Variants in ECT2L observed in about 807,000 individuals in gnomAD.
The protein encoded by ECT2L is epithelial cell-transforming sequence 2 oncogene-like.
ECT2L carries 126 observed loss-of-function variants against 122.8 expected under a neutral mutation model. That is an observed-to-expected ratio of 1.03 (90% confidence interval 0.89 to 1.19). ECT2L has a LOEUF of 1.19. Ranked by LOEUF, ECT2L falls within the 50% of genes most tolerant of loss-of-function variation. The pLI is 0.00. For missense variants in ECT2L, 1,012 were observed against 1,064.1 expected (o/e 0.95, Z 0.68); for synonymous variants, 385 against 381.8 (o/e 1.01, Z -0.10).
chr6:138,867,999 C>CAAAAAAAAAAAA (rs754296302), intron 12 of ECT2L, 104 bp from the exon 13 acceptor site: 35 of 335,996 alleles, frequency 1.0e-4, no homozygotes, highest in Admixed American at 1.6e-4. Flanking sequence ...GATTCTGTCT[C>CAAAAAAAAAAAA]AAAAAAAAAA....
intron 7 of ECT2L, 110 bp downstream of exon 7, chr6:138,844,690 A>G (rs905055276): frequency 9.4e-6 from 9 of 955,238 alleles, no homozygotes; most frequent in Non-Finnish European, 1.4e-5. Context: ...TGTGGCTCAT[A>G]TCCTATGAAA....
intron 10 of ECT2L, among the ~76,000 whole-genome samples, chr6:138,860,875 C>T (rs1777805284): frequency 6.6e-6 from 1 of 152,124 alleles, no homozygotes; most frequent in African/African-American, 2.4e-5. Context: ...TCTCCCTCCC[C>T]TTTCCCGCCA....
chr6:138,871,871 T>C (rs1778268915), intron 13 of ECT2L, among the ~76,000 whole-genome samples: 1 of 151,984 alleles, frequency 6.6e-6, no homozygotes, highest in African/African-American at 2.4e-5. Flanking sequence ...GCTGTTACCA[T>C]AGCACAACCC....
At position 138,843,081 on chromosome 6, in the gene ECT2L, G is replaced by A; in HGVS notation, c.445G>A (p.Val149Met). 6.2e-7 allele frequency: 1 copy of A among 1,613,906 alleles called. No individual in the cohort carries two copies. The change falls in exon 6 of 22, where the codon GTG becomes ATG. Residue 149 changes from valine (V) to methionine (M), a missense_variant. Physicochemically the swap from Val to Met is conservative, Grantham distance 21. Transcript: ENST00000541398. ...GAWKRHYIAC[V>M]SHLDWLTPRE... The stretch of plus-strand genomic sequence containing the variant: ...TTGGAAGCGCCATTACATTGCTTGT[G>A]TGTCCCACTTAGACTGGCTGACACC...
At chr6:138,860,220 A>G (rs1777775166) in intron 10 of ECT2L, among the ~76,000 whole-genome samples, 1 of 152,158 alleles carries the variant, frequency 6.6e-6, no homozygotes, top group African/African-American at 2.4e-5. Flanking sequence ...TTACCTAACC[A>G]AAGGCCACTA....
In ECT2L at chr6:138,901,072, T is replaced by A. The variant is rs915636455; in HGVS notation, c.2539T>A (p.Ser847Thr). 2.5e-6 allele frequency: 4 copies of A among 1,614,072 alleles called. No homozygotes were observed. Among genetic ancestry groups the A allele is most frequent in the Non-Finnish European group, 2.5e-6 (3 of 1,180,036 alleles). The change falls in exon 21 of 22, where the codon TCA (serine) becomes ACA (threonine). Residue 847 changes from serine to threonine, a missense_variant. Physicochemically the swap from Ser to Thr is moderately conservative, Grantham distance 58. Transcript: ENST00000541398. ...TSKTTYQFIA[S>T]VALHRLLIEN... ...AAAAACAACCTACCAGTTCATTGCATCAGTGGCCCTTCATCGGTTACTCAT... is the reference window on the plus strand; with the variant it reads ...AAAAACAACCTACCAGTTCATTGCAACAGTGGCCCTTCATCGGTTACTCAT...
intron 4 of ECT2L, among the ~76,000 whole-genome samples, chr6:138,832,218 T>A (rs866387582): frequency 6.6e-6 from 1 of 151,748 alleles, no homozygotes; most frequent in Non-Finnish European, 1.5e-5. Context: ...TTTCAAACAT[T>A]CACTCCTATT....
intron 13 of ECT2L, among the ~76,000 whole-genome samples, chr6:138,875,858 T>C (rs1018652571): frequency 6.6e-6 from 1 of 152,182 alleles, no homozygotes; most frequent in Admixed American, 6.5e-5. Context: ...TGGTGGCTCA[T>C]GCCTGTAATC....
At chr6:138,805,176 T>C (rs776349528) in intron 1 of ECT2L, among the ~76,000 whole-genome samples, 21 of 152,234 alleles carry the variant, frequency 1.4e-4, no homozygotes, top group South Asian at 2.1e-4. Flanking sequence ...CATTGACGTA[T>C]AGTATTCTAT....
intron 1 of ECT2L, among the ~76,000 whole-genome samples, chr6:138,810,996 G>A (rs1775872810): frequency 6.6e-6 from 1 of 152,206 alleles, no homozygotes; most frequent in African/African-American, 2.4e-5. Context: ...ACTATGATAG[G>A]TTGTATTACT....
rs181374524 is a variant in ECT2L, at chr6:138,814,015, G to A, written c.67-476G>A. Among the ~76,000 whole-genome samples, 262 of 152,230 alleles carry A rather than the reference G, an allele frequency of 1.7e-3. 1 individual carries two copies. Among genetic ancestry groups the A allele is most frequent in the African/African-American group, 5.7e-3 (237 of 41,544 alleles). On this transcript the variant is annotated intron_variant, in intron 3 of 21. Coordinates refer to ENST00000541398, the MANE Select transcript of ECT2L (RefSeq NM_001077706.3). ...GACATGTCTCTGTTGGCTATTTAGC[G>A]ATACTTACTTTCATCTTGGTGGGTG...
intron 4 of ECT2L, among the ~76,000 whole-genome samples, chr6:138,834,181 C>T (rs977849711): frequency 6.6e-6 from 1 of 152,220 alleles, no homozygotes; most frequent in Non-Finnish European, 1.5e-5. Flanking sequence ...ACACCATCCT[C>T]GTCACAATAA....
chr6:138,902,729 A>G lies in ECT2L; in HGVS notation c.*102A>G. 7.3e-7 allele frequency: 1 copy of G among 1,371,856 alleles called. No homozygotes were observed. Among genetic ancestry groups the G allele is most frequent in the Non-Finnish European group, 1.0e-6 (1 of 987,028 alleles). The allele number at this position is 1,371,856 out of a possible 1,614,324, so 85.0% of individuals were successfully genotyped here. ...TCCAGTAAGAAACAGAATAACTGTCATGGATGATGAGATAAACTAAGATGA... is the reference window on the plus strand; with the variant it reads ...TCCAGTAAGAAACAGAATAACTGTCGTGGATGATGAGATAAACTAAGATGA... On this transcript the variant is annotated 3_prime_UTR_variant, in exon 22 of 22. Transcript: ENST00000541398.
At chr6:138,887,229 A>ATTTTT (rs772909250) in intron 19 of ECT2L, among the ~76,000 whole-genome samples, 1 of 94,202 alleles carries the variant, frequency 1.1e-5, no homozygotes, top group African/African-American at 3.1e-5. Flanking sequence ...CTTTTCTTTA[A>ATTTTT]TTTTTTTTTT....
At chr6:138,805,211 T>C (rs1775676111) in intron 1 of ECT2L, among the ~76,000 whole-genome samples, 1 of 152,242 alleles carries the variant, frequency 6.6e-6, no homozygotes, top group African/African-American at 2.4e-5. Flanking sequence ...ACAGTAGATT[T>C]ATCCACTGGA....
rs763660220 is a variant in ECT2L at position 138,846,634 on chromosome 6, G to C, written c.860G>C (p.Arg287Pro). The C allele has an allele frequency of 6.2e-7, 1 of 1,610,316 alleles. No homozygotes were observed. The highest frequency in any genetic ancestry group is 1.1e-5 in the South Asian group (1 of 90,274). ...KNDDRSSYAL[R>P]PHFMLISSRI... is the part of the protein sequence containing the mutation. The stretch of plus-strand genomic sequence containing the variant: ...GATGACAGATCTTCATATGCTCTCC[G>C]GCCACACTTCATGTTAATATCATCC... The change falls in exon 8 of 22, where the codon CGG becomes CCG. Residue 287 changes from arginine (R) to proline (P), a missense_variant. Physicochemically the swap from Arg to Pro is moderately radical, Grantham distance 103 (BLOSUM62 -2). Transcript: ENST00000541398.
rs1215949523 is a variant in ECT2L at position 138,854,020 on chromosome 6, C to T, written c.1070-6C>T. 1 of 1,608,102 alleles carries T rather than the reference C, an allele frequency of 6.2e-7. No individual in the cohort carries two copies. The highest frequency in any genetic ancestry group is 8.5e-7 in the Non-Finnish European group (1 of 1,177,842). On this transcript the variant is annotated splice_region_variant and splice_polypyrimidine_tract_variant and intron_variant, in intron 9 of 21. Transcript: ENST00000541398. ...CTAATATGACATTTTGATTTTTTTTCCTCAGGCTATAAAATTGGTGTTAAA... is the reference window on the plus strand; with the variant it reads ...CTAATATGACATTTTGATTTTTTTTTCTCAGGCTATAAAATTGGTGTTAAA...
intron 4 of ECT2L, among the ~76,000 whole-genome samples, chr6:138,833,938 G>A (rs2128385105): frequency 6.6e-6 from 1 of 152,194 alleles, no homozygotes. Context: ...TGCTACCTAG[G>A]CAACCAGAAA....
intron 5 of ECT2L, among the ~76,000 whole-genome samples, chr6:138,841,778 T>C (rs763251178): frequency 2.6e-5 from 4 of 152,226 alleles, no homozygotes; most frequent in Non-Finnish European, 5.9e-5. Context: ...CTTATTGCAT[T>C]GATAGCTCTA....
Sources: allele counts gnomAD v4.1 joint callset (sites outside exome capture counted in the v4.1 genomes callset), GRCh38; gene constraint gnomAD v4.1.1; transcripts MANE v1.5; gene names NCBI Gene and HGNC (gene_info 2026-07-23, HGNC 2026-07-21).